Variants in TEFM observed in about 807,000 individuals in gnomAD.
TEFM encodes transcription elongation factor, mitochondrial, also known as transcription elongation factor of mitochondria.
Under a neutral mutation model 23.0 loss-of-function variants are expected in TEFM, and 14 were observed. The observed-to-expected ratio is 0.61, with a 90% CI of 0.40 to 0.95. The LOEUF (loss-of-function observed/expected upper bound fraction) is 0.95, where lower values mean the gene tolerates loss of function less well. Ranked by LOEUF, TEFM falls within the 40% of genes least tolerant of loss-of-function variation. The pLI is 0.00. For missense variants in TEFM, 386 were observed against 425.5 expected (o/e 0.91, Z 0.82); for synonymous variants, 155 against 158.3 (o/e 0.98, Z 0.16).
Position 30,899,411 on chromosome 17 carries a change from C to T in TEFM, c.841G>A (p.Val281Met). ...HQVLSMNRNA[V>M]GKHFELMIGD... ...ATCATCAGTTCAAAATGCTTCCCCACTGCATTTCGATTCATGCTCAGCACC... is the reference window on the plus strand; with the variant it reads ...ATCATCAGTTCAAAATGCTTCCCCATTGCATTTCGATTCATGCTCAGCACC... Residue 281 changes from valine to methionine, a missense_variant, in exon 4 of 4, where the codon GTG becomes ATG. By Grantham distance (21) the Val-to-Met change is conservative (BLOSUM62 1). Coordinates refer to ENST00000581216, the MANE Select transcript of TEFM (RefSeq NM_024683.4). 1.2e-6 allele frequency: 2 copies of T among 1,614,186 alleles called. No individual in the cohort carries two copies. The highest frequency in any genetic ancestry group is 1.7e-6 in the Non-Finnish European group (2 of 1,179,990).
rs1195535050 is a variant in TEFM, at chr17:30,904,371, G to A, written c.190C>T (p.Leu64Phe). The A allele has an allele frequency of 3.1e-6, 5 of 1,614,058 alleles. No homozygotes were observed. The Admixed American group carries it at 8.3e-5, about 27-fold the overall frequency. Residue 64 changes from leucine to phenylalanine, a missense_variant, in exon 2 of 4, where the codon CTC (leucine) becomes TTC (phenylalanine). Coordinates refer to ENST00000581216, the MANE Select transcript of TEFM (RefSeq NM_024683.4). ...AKEPENALDK[L>F]FSSEQQASIL... Reference sequence around the variant, plus strand: ...GAAGCCTGCTGTTCTGAAGAGAAGAGCTTGTCAAGTGCATTTTCGGGCTCC... The same window carrying A: ...GAAGCCTGCTGTTCTGAAGAGAAGAACTTGTCAAGTGCATTTTCGGGCTCC...
chr17:30,902,298 GTA>G (rs1910061485), intron 2 of TEFM, among the ~76,000 whole-genome samples: 2 of 152,170 alleles, frequency 1.3e-5, no homozygotes. Context: ...AGACAAAATA[GTA>G]TAGATGCCCA....
Position 30,900,511 on chromosome 17 carries a change from C to G in TEFM, c.547G>C (p.Ala183Pro). 6.2e-7 allele frequency: 1 copy of G among 1,614,108 alleles called. No homozygotes were observed. The highest frequency in any genetic ancestry group is 8.5e-7 in the Non-Finnish European group (1 of 1,179,978). The change falls in exon 3 of 4, where the codon GCT (alanine) becomes CCT (proline). Residue 183 changes from alanine (A) to proline (P), a missense_variant. Ala to Pro is a conservative substitution (Grantham distance 27, BLOSUM62 -1). Transcript: ENST00000581216. The part of the protein sequence containing the change: ...IVFGTRRIAW[A>P]HLDRKLTVLD... ...ACTGTCAACTTACGATCAAGGTGAG[C>G]CCAGGCAATTCTTCGAGTACCAAAA...
Position 30,900,411 on chromosome 17 carries a change from A to C in TEFM, c.645+2T>G. 6.2e-7 allele frequency: 1 copy of C among 1,614,040 alleles called. No individual in the cohort carries two copies. Among genetic ancestry groups the C allele is most frequent in the Non-Finnish European group, 8.5e-7 (1 of 1,179,956 alleles). ...AGGAATCTGGAGGTGCAACTGCCTT[A>C]CCTCTTCTAAATAGACTGATGATGA... is the stretch of plus-strand genomic sequence containing the variant. On this transcript the variant is annotated splice_donor_variant, in intron 3 of 3. Transcript: ENST00000581216. LOFTEE classifies it high-confidence loss of function.
chr17:30,903,076 G>A (rs1910076365), intron 2 of TEFM, among the ~76,000 whole-genome samples: 1 of 145,886 alleles, frequency 6.9e-6, no homozygotes, highest in African/African-American at 2.6e-5. Context: ...CTGGGAGGTG[G>A]AGGTTGTTGT....
At chr17:30,899,795 C>G in intron 3 of TEFM, 189 bp from the exon 4 acceptor site, 2 of 425,382 alleles carry the variant, frequency 4.7e-6, no homozygotes, top group Non-Finnish European at 4.1e-6. Flanking sequence ...GTCACAACAA[C>G]AGCTAAGCTA....
At chr17:30,901,171 C>T (rs1297334233) in intron 2 of TEFM, among the ~76,000 whole-genome samples, 1 of 152,056 alleles carries the variant, frequency 6.6e-6, no homozygotes, top group Admixed American at 6.6e-5. Context: ...CAGGTACCTG[C>T]CACCACACCC....
rs199598408 is a variant in TEFM, at chr17:30,899,516, T to G, written c.736A>C (p.Ile246Leu). The G allele has an allele frequency of 1.2e-6, 2 of 1,613,922 alleles. No individual in the cohort carries two copies. Among genetic ancestry groups the G allele is most frequent in the East Asian group, 2.2e-5 (1 of 44,870 alleles). ...LSIQNSSLFP[I>L]LLHFHIMEAM... ...TCCATGATATGAAAATGTAACAGTA[T>G]TGGAAACAGAGATGAGTTCTGAATG... Residue 246 changes from isoleucine (I) to leucine (L), a missense_variant, in exon 4 of 4, where the codon ATA becomes CTA. By Grantham distance (5) the Ile-to-Leu change is conservative. Transcript: ENST00000581216.
intron 2 of TEFM, among the ~76,000 whole-genome samples, chr17:30,903,213 T>A (rs538645912): frequency 2.0e-5 from 3 of 150,182 alleles, no homozygotes; most frequent in Non-Finnish European, 1.5e-5. Context: ...AGAAAAAGAA[T>A]TGCTTTTAGA....
rs1388470675 is a variant in TEFM, at chr17:30,899,158, A to C, written c.*11T>G. 4.5e-6 allele frequency: 7 copies of C among 1,559,236 alleles called. No homozygotes were observed. In the East Asian group the frequency reaches 1.6e-4, roughly 35 times the overall value. On this transcript the variant is annotated 3_prime_UTR_variant, in exon 4 of 4. Transcript: ENST00000581216. Reference sequence around the variant, plus strand: ...CTAATAATTATACTTTAGCACGTTAACCTCAGAATTCTAAGGCTGAGAGTC... The same window carrying C: ...CTAATAATTATACTTTAGCACGTTACCCTCAGAATTCTAAGGCTGAGAGTC...
At chr17:30,900,069 T>G (rs2142472623) in intron 3 of TEFM, 1 of 371,304 alleles carries the variant, frequency 2.7e-6, no homozygotes, top group Middle Eastern at 7.3e-4. Flanking sequence ...AGGTGATAAT[T>G]CCTGACCATT....
Position 30,906,010 on chromosome 17 carries a change from C to A in TEFM, c.31+158G>T, listed in dbSNP as rs560493591. On this transcript the variant is annotated intron_variant, in intron 1 of 3. Transcript: ENST00000581216. ...CACTCCAGGTTCCTCCAGAATACCTCCAGCCGTATTCCATTAGCCTCTAGG... is the reference window on the plus strand; with the variant it reads ...CACTCCAGGTTCCTCCAGAATACCTACAGCCGTATTCCATTAGCCTCTAGG... Among the ~76,000 whole-genome samples the A allele has an allele frequency of 5.1e-4, 77 of 152,270 alleles. 1 individual carries two copies. The highest frequency in any genetic ancestry group is 1.7e-3 in the African/African-American group (70 of 41,560).
At chr17:30,904,553 A>G (rs373176246) in intron 1 of TEFM, 24 bp from the exon 2 acceptor site, 9 of 1,555,076 alleles carry the variant, frequency 5.8e-6, no homozygotes, top group East Asian at 4.5e-5. Flanking sequence ...TTAGCAAAAT[A>G]TAAGTTGGAT....
At position 30,899,017 on chromosome 17, in the gene TEFM, C is replaced by T. The variant is rs1598007874; in HGVS notation, c.*152G>A. The stretch of plus-strand genomic sequence containing the variant: ...AAAATGTTTATTGATTTGGTCTTGG[C>T]TTATTGTGTAAACCATTTAATAGCC... On this transcript the variant is annotated 3_prime_UTR_variant, in exon 4 of 4. Transcript: ENST00000581216. 5 of 720,674 alleles carry T rather than the reference C, an allele frequency of 6.9e-6. No individual in the cohort carries two copies. In the South Asian group the frequency reaches 8.3e-5, roughly 12 times the overall value. The allele number at this position is 720,674 out of a possible 1,614,324, so 44.6% of individuals were successfully genotyped here.
chr17:30,904,551 A>G (rs1424626813), intron 1 of TEFM, 22 bp from the exon 2 acceptor site: 1 of 1,566,476 alleles, frequency 6.4e-7, no homozygotes, highest in African/African-American at 1.4e-5. Context: ...ATTTAGCAAA[A>G]TATAAGTTGG....
chr17:30,905,180 A>G (rs1324899304), intron 1 of TEFM, among the ~76,000 whole-genome samples: 2 of 152,132 alleles, frequency 1.3e-5, no homozygotes, highest in Admixed American at 6.6e-5. Flanking sequence ...AAAGTTTCTG[A>G]TATTTTTAAT....
At chr17:30,901,802 A>G (rs1399668998) in intron 2 of TEFM, among the ~76,000 whole-genome samples, 1 of 152,218 alleles carries the variant, frequency 6.6e-6, no homozygotes, top group Non-Finnish European at 1.5e-5. Context: ...AAAGGTAGGG[A>G]TCTGTGTTAG....
intron 2 of TEFM, among the ~76,000 whole-genome samples, chr17:30,903,661 C>T (rs1247106717): frequency 1.3e-5 from 2 of 152,042 alleles, no homozygotes; most frequent in Non-Finnish European, 2.9e-5. Flanking sequence ...CTGGCCATAA[C>T]CTATCTTTGC....
At position 30,906,202 on chromosome 17, in the gene TEFM, C is replaced by T. The variant is rs1170763552; in HGVS notation, c.-4G>A. On this transcript the variant is annotated 5_prime_UTR_variant, in exon 1 of 4. Transcript: ENST00000581216. ...TGAAGAGGACAGACCCGCTCATCTC[C>T]AAGTTGAATCAGTAGGTCCAGTCTT... The T allele has an allele frequency of 2.5e-6, 4 of 1,614,150 alleles. No individual in the cohort carries two copies. In the East Asian group the frequency reaches 6.7e-5, roughly 27 times the overall value.
Sources: allele counts gnomAD v4.1 joint callset (sites outside exome capture counted in the v4.1 genomes callset), GRCh38; gene constraint gnomAD v4.1.1; transcripts MANE v1.5; gene names NCBI Gene and HGNC (gene_info 2026-07-23, HGNC 2026-07-21).